NAF1: variants seen among roughly 807,000 people sequenced by gnomAD.
NAF1 encodes the protein H/ACA ribonucleoprotein complex non-core subunit NAF1.
A neutral mutation model predicts 40.6 loss-of-function variants in NAF1; 11 were observed. The ratio of observed to expected loss-of-function variants is 0.27; its 90% CI spans 0.17 to 0.45. The LOEUF (loss-of-function observed/expected upper bound fraction) is 0.45. NAF1 is among the 20% of genes least tolerant of loss of function. The probability of loss-of-function intolerance (pLI) is 1.00; values close to 1 mark genes in which losing one functional copy is unlikely to be tolerated. For synonymous variants in NAF1, 260 were observed against 228.5 expected, an observed-to-expected ratio of 1.14 and a Z score of -1.24; for missense variants, 607 against 611.1, an observed-to-expected ratio of 0.99 and a Z score of 0.07.
In NAF1 at chr4:163,128,759, A is replaced by G. The variant is rs1730745459; in HGVS notation, c.*138T>C. ...ACAATTTCACAAAGGTTACAAATAT[A>G]TATCAACTTACAACAGAAGGAATCA... On this transcript the variant is annotated 3_prime_UTR_variant, in exon 8 of 8. Transcript: ENST00000274054. 8.3e-7 allele frequency: 1 copy of G among 1,200,994 alleles called. No individual in the cohort carries two copies. Among genetic ancestry groups the G allele is most frequent in the Non-Finnish European group, 1.1e-6 (1 of 922,204 alleles). 74.4% of individuals were successfully genotyped at this position (1,200,994 alleles called of 1,614,324 possible). A position where few individuals can be genotyped will look rare whatever the true frequency, so the allele number is the denominator to read the frequency against.
chr4:163,119,038 C>T (rs1730438212), intron 2 of NAF1, among the ~76,000 whole-genome samples: 1 of 152,214 alleles, frequency 6.6e-6, no homozygotes, highest in Admixed American at 6.5e-5. Flanking sequence ...TTCAGGTCCT[C>T]TAAGTAAATG....
At chr4:163,111,784 A>G (rs1730167292) in intron 2 of NAF1, among the ~76,000 whole-genome samples, 2 of 152,188 alleles carry the variant, frequency 1.3e-5, no homozygotes, top group South Asian at 4.1e-4. Flanking sequence ...CGAATTGTGC[A>G]CTAGGTGGCC....
downstream of NAF1, among the ~76,000 whole-genome samples, chr4:163,123,981 T>TC (rs34994681): frequency 4.9e-3 from 742 of 152,322 alleles, 2 homozygotes; most frequent in Admixed American, 8.4e-3. Context: ...TATTTCTCTC[T>TC]CCCCAATAAG....
chr4:163,110,311 A>C (rs1369519373), intron 2 of NAF1: 1 of 699,180 alleles, frequency 1.4e-6, no homozygotes, highest in Non-Finnish European at 2.6e-6. Flanking sequence ...GTGAGGTAAA[A>C]TCAGATATTT....
chr4:163,109,029 T>A (rs1165352888), downstream of NAF1: 1 of 152,162 alleles, frequency 6.6e-6, no homozygotes, highest in Non-Finnish European at 1.5e-5. Context: ...CTTTACTGTA[T>A]GTTGAGAGTA....
chr4:163,125,602 G>A (rs1400068336), downstream of NAF1, among the ~76,000 whole-genome samples: 1 of 152,172 alleles, frequency 6.6e-6, no homozygotes, highest in African/African-American at 2.4e-5. Context: ...AGGTAGCAGA[G>A]GTTGGCTCAT....
intron 2 of NAF1, among the ~76,000 whole-genome samples, 159 bp downstream of exon 2, chr4:163,164,058 T>C (rs555235125): frequency 6.6e-6 from 1 of 152,292 alleles, no homozygotes; most frequent in South Asian, 2.1e-4. Context: ...ATCACTACTC[T>C]CTTTTACATA....
At chr4:163,104,390 T>C in the NAF1 span, among the ~76,000 whole-genome samples, 2 of 152,194 alleles carry the variant, frequency 1.3e-5, no homozygotes, top group Admixed American at 6.5e-5. Flanking sequence ...TTCATAAAAA[T>C]AGGTTTTCAA....
At chr4:163,125,924 T>C (rs1009897032), downstream of NAF1, among the ~76,000 whole-genome samples, 2 of 152,212 alleles carry the variant, frequency 1.3e-5, no homozygotes, top group African/African-American at 4.8e-5. Flanking sequence ...TTTTGCTAAA[T>C]GTACTCTGCC....
downstream of NAF1, chr4:163,127,077 T>C (rs1315177154): frequency 6.4e-7 from 1 of 1,551,568 alleles, no homozygotes; most frequent in Non-Finnish European, 8.7e-7. Context: ...TGCAATGGTC[T>C]GGATCCGAGG....
At chr4:163,110,069 A>T, downstream of NAF1, 1 of 472,588 alleles carries the variant, frequency 2.1e-6, no homozygotes, top group East Asian at 3.2e-5. Context: ...ACATTCAGTA[A>T]GATAGCTTTT....
chr4:163,107,055 C>T (rs1220567940), downstream of NAF1, among the ~76,000 whole-genome samples: 1 of 151,764 alleles, frequency 6.6e-6, no homozygotes, highest in East Asian at 1.9e-4. Flanking sequence ...GGTGCAATCT[C>T]GGCTCACTGC....
At chr4:163,166,213 G>A in intron 1 of NAF1, 150 bp downstream of exon 1, 1 of 972,264 alleles carries the variant, frequency 1.0e-6, no homozygotes, top group Non-Finnish European at 1.5e-6. Flanking sequence ...GGCAGTCGGA[G>A]CCAATACTTC....
chr4:163,112,985 C>T (rs1349558598), intron 2 of NAF1, among the ~76,000 whole-genome samples: 6 of 152,030 alleles, frequency 3.9e-5, no homozygotes, highest in Non-Finnish European at 5.9e-5. Flanking sequence ...GGGTTTTCTC[C>T]GATCACGTTC....
chr4:163,126,381 AT>A (rs138937265), downstream of NAF1, among the ~76,000 whole-genome samples: 373 of 152,314 alleles, frequency 2.4e-3, 2 homozygotes, highest in African/African-American at 8.4e-3. Flanking sequence ...TCCAACCCTC[AT>A]TAATAATTTT....
rs1256220439 is a variant in NAF1, at chr4:163,133,203, T to C, written c.984A>G (p.Lys328=). 2 of 1,613,884 alleles carry C rather than the reference T, an allele frequency of 1.2e-6. No individual in the cohort carries two copies. The highest frequency in any genetic ancestry group is 2.2e-5 in the East Asian group (1 of 44,804). The change falls in exon 7 of 8, where the codon AAA becomes AAG. Residue 328 remains lysine (K), a synonymous_variant. Transcript: ENST00000274054. ...GTTTTTTCCGGCCTTGAATCTGAGA[T>C]TTTTTCCTCTGTTTGGCTTCCTTCT... ...EKEKEAKQRK[K]SQIQGRKKLK... is the part of the protein sequence containing the mutation.
chr4:163,154,153 C>T (rs1731868635), intron 2 of NAF1, among the ~76,000 whole-genome samples: 1 of 152,234 alleles, frequency 6.6e-6, no homozygotes, highest in South Asian at 2.1e-4. Flanking sequence ...GTAACACTCA[C>T]CGCGAAGGTC....
intron 2 of NAF1, among the ~76,000 whole-genome samples, chr4:163,158,074 T>C (rs187857928): frequency 6.6e-6 from 1 of 152,238 alleles, no homozygotes; most frequent in East Asian, 1.9e-4. Flanking sequence ...CAGAGGTTGG[T>C]GGGAGAAGGA....
At chr4:163,160,032 C>G (rs1732152878) in intron 2 of NAF1, among the ~76,000 whole-genome samples, 1 of 152,096 alleles carries the variant, frequency 6.6e-6, no homozygotes, top group Non-Finnish European at 1.5e-5. Flanking sequence ...ATGAAGAGTT[C>G]AGAGCATCAA....
Sources: allele counts gnomAD v4.1 joint callset (sites outside exome capture counted in the v4.1 genomes callset), GRCh38; gene constraint gnomAD v4.1.1; transcripts MANE v1.5; gene names NCBI Gene and HGNC (gene_info 2026-07-23, HGNC 2026-07-21).